Variants in ARRB1 observed in about 807,000 individuals in gnomAD.
The protein encoded by ARRB1 is beta-arrestin-1.
A neutral mutation model predicts 56.8 loss-of-function variants in ARRB1; 21 were observed. That is an observed-to-expected ratio of 0.37 (90% CI 0.26 to 0.53). The LOEUF is 0.53. ARRB1 is among the 20% of genes least tolerant of loss of function. The pLI, the probability that ARRB1 is intolerant of heterozygous loss-of-function variation, is 0.88. For missense variants in ARRB1, 424 were observed against 553.7 expected, an observed-to-expected ratio of 0.77 and a Z score of 2.35; for synonymous variants, 210 against 218.6, an observed-to-expected ratio of 0.96 and a Z score of 0.35.
At chr11:75,335,918 C>T (rs1237882211) in intron 1 of ARRB1, among the ~76,000 whole-genome samples, 1 of 152,242 alleles carries the variant, frequency 6.6e-6, no homozygotes, top group East Asian at 1.9e-4. Context: ...GGGGACAAAA[C>T]ATGAGACTTG....
At chr11:75,272,817 G>C in intron 12 of ARRB1, 78 bp downstream of exon 12, 3 of 1,437,694 alleles carry the variant, frequency 2.1e-6, no homozygotes, top group Non-Finnish European at 2.0e-6. Flanking sequence ...CAAACAGGCA[G>C]AATGGGGCAG....
chr11:75,286,550 C>T (rs1946481365), intron 3 of ARRB1, among the ~76,000 whole-genome samples: 1 of 152,028 alleles, frequency 6.6e-6, no homozygotes, highest in Non-Finnish European at 1.5e-5. Flanking sequence ...CAGGCGTGAG[C>T]CACCGCACTT....
In ARRB1 at chr11:75,283,363, T is replaced by C; in HGVS notation, c.278A>G (p.Asp93Gly). Reference protein sequence around the residue: ...NVQSFPPAPEDKKPLTRLQER... With the variant: ...NVQSFPPAPEGKKPLTRLQER... ...CTGCAGCCGCGTCAGGGGCTTCTTG[T>C]CCTCGGGGGCCGGTGGGAACGACTG... The change falls in exon 5 of 16, where the codon GAC (aspartate) becomes GGC (glycine). Residue 93 changes from aspartate (D) to glycine (G), a missense_variant. Physicochemically the swap from Asp to Gly is moderately conservative, Grantham distance 94 (BLOSUM62 -1). Coordinates refer to ENST00000420843, the MANE Select transcript of ARRB1 (RefSeq NM_004041.5). 6.2e-7 allele frequency: 1 copy of C among 1,614,144 alleles called. No homozygotes were observed. Among genetic ancestry groups the C allele is most frequent in the Non-Finnish European group, 8.5e-7 (1 of 1,179,988 alleles).
At position 75,261,911 on chromosome 11, in the gene ARRB1, A is replaced by C. The variant is rs1214365921; in HGVS notation, c.*4252T>G. 1.3e-5 allele frequency: 2 copies of C among 152,212 alleles called. No individual in the cohort carries two copies. Among genetic ancestry groups the C allele is most frequent in the Non-Finnish European group, 2.9e-5 (2 of 68,044 alleles). The allele number at this position is 152,212 out of a possible 1,614,324, so 9.4% of individuals were successfully genotyped here. A position where few individuals can be genotyped will look rare whatever the true frequency, so the allele number is the denominator to read the frequency against. On this transcript the variant is annotated 3_prime_UTR_variant, in exon 16 of 16. Coordinates refer to ENST00000420843, the MANE Select transcript of ARRB1 (RefSeq NM_004041.5). ...GTCCATGAGACCCTATAAGAGTGTA[A>C]GACTGGGACCTAACCCCTTCCTCCT... is the stretch of plus-strand genomic sequence containing the variant.
At position 75,283,464 on chromosome 11, in the gene ARRB1, G is replaced by T; in HGVS notation, c.177C>A (p.Cys59Ter). The T allele has an allele frequency of 6.2e-7, 1 of 1,612,300 alleles. No homozygotes were observed. Among genetic ancestry groups the T allele is most frequent in the Non-Finnish European group, 8.5e-7 (1 of 1,179,014 alleles). The change falls in exon 5 of 16, where the codon TGC becomes TGA. Residue 59 changes from cysteine to a stop codon, truncating the protein, a stop_gained. Coordinates refer to ENST00000420843, the MANE Select transcript of ARRB1 (RefSeq NM_004041.5). LOFTEE classifies it high-confidence loss of function. ...GGTCCTCCCGGCCATAGCGGAAGGC[G>T]CAGGTCAGCGTCACATAGACTGTGG... ...KERRVYVTLTCAFRYGREDLD... is the reference protein window; with the variant it reads ...KERRVYVTLT
chr11:75,327,913 G>A (rs1243153894), intron 1 of ARRB1, among the ~76,000 whole-genome samples: 1 of 151,916 alleles, frequency 6.6e-6, no homozygotes. Flanking sequence ...CAGCAGCCTG[G>A]GCAATGCAGC....
chr11:75,284,623 G>A (rs1946430356), intron 3 of ARRB1, among the ~76,000 whole-genome samples: 1 of 152,162 alleles, frequency 6.6e-6, no homozygotes, highest in African/African-American at 2.4e-5. Flanking sequence ...GGCAAAATGG[G>A]CCGGGCGTGG....
At chr11:75,329,984 G>C (rs1267319524) in intron 1 of ARRB1, among the ~76,000 whole-genome samples, 1 of 151,242 alleles carries the variant, frequency 6.6e-6, no homozygotes, top group Non-Finnish European at 1.5e-5. Flanking sequence ...TGAATGACAA[G>C]ACTGAGACCC....
Position 75,263,037 on chromosome 11 carries a change from G to T in ARRB1, c.*3126C>A, listed in dbSNP as rs1251878504. Among the ~76,000 whole-genome samples the T allele has an allele frequency of 6.6e-6, 1 of 152,316 alleles. No individual in the cohort carries two copies. Among genetic ancestry groups the T allele is most frequent in the East Asian group, 1.9e-4 (1 of 5,184 alleles). On this transcript the variant is annotated 3_prime_UTR_variant, in exon 16 of 16. Transcript: ENST00000420843. ...ATGCTTTTCCTTCCTGCCCGGACCG[G>T]TGTCCACACGCCACCCACAGGGCAC...
chr11:75,290,147 C>T, intron 1 of ARRB1, 108 bp from the exon 2 acceptor site: 1 of 1,348,438 alleles, frequency 7.4e-7, no homozygotes, highest in South Asian at 1.2e-5. Flanking sequence ...GAGTGACTGA[C>T]AGGCACCATG....
At chr11:75,318,174 T>TGG (rs1947293921) in intron 1 of ARRB1, among the ~76,000 whole-genome samples, 2 of 106,696 alleles carry the variant, frequency 1.9e-5, no homozygotes, top group African/African-American at 3.7e-5. Flanking sequence ...TTTTTTTTTT[T>TGG]GAGAGAGAGA....
At chr11:75,307,971 T>TG (rs2140476204) in intron 1 of ARRB1, among the ~76,000 whole-genome samples, 1 of 152,326 alleles carries the variant, frequency 6.6e-6, no homozygotes, top group African/African-American at 2.4e-5. Context: ...CCCGTGGCCA[T>TG]GGATAGCACC....
At chr11:75,312,324 G>A (rs965667077) in intron 1 of ARRB1, among the ~76,000 whole-genome samples, 2 of 152,218 alleles carry the variant, frequency 1.3e-5, no homozygotes, top group East Asian at 3.9e-4. Context: ...ACCCCTGACC[G>A]CCGAAGGGAC....
chr11:75,305,018 C>CTTTTTTTTTTTTTTTTTTTT (rs35323331), intron 1 of ARRB1, among the ~76,000 whole-genome samples: 14 of 86,732 alleles, frequency 1.6e-4, no homozygotes, highest in Non-Finnish European at 2.7e-4. Flanking sequence ...TTCTTTCTTT[C>CTTTTTTTTTTTTTTTTTTTT]TTTTTTTTTT....
chr11:75,295,790 T>G (rs901184080), intron 1 of ARRB1, among the ~76,000 whole-genome samples: 1 of 152,208 alleles, frequency 6.6e-6, no homozygotes, highest in Non-Finnish European at 1.5e-5. Context: ...GCTGTCCCAC[T>G]ACATGACAGA....
chr11:75,261,357 TG>T lies in ARRB1; in HGVS notation c.*4805del, dbSNP rs1200678190. On this transcript the variant is annotated 3_prime_UTR_variant, in exon 16 of 16. Transcript: ENST00000420843. ...GGTCTAAGATCAAACCTCGAGATGG[TG>T]GTTTGAAGTTCTTCTTCAAAGAAAG... The T allele has an allele frequency of 4.6e-5, 7 of 151,844 alleles. No individual in the cohort carries two copies. The highest frequency in any genetic ancestry group is 4.6e-4 in the Admixed American group (7 of 15,246). 9.4% of individuals were successfully genotyped at this position (151,844 alleles called of 1,614,324 possible). A position where few individuals can be genotyped will look rare whatever the true frequency, so the allele number is the denominator to read the frequency against.
rs1363127351 is a variant in ARRB1, at chr11:75,266,267, C to G, written c.1153G>C (p.Asp385His). The change falls in exon 16 of 16, where the codon GAC becomes CAC. Residue 385 changes from aspartate to histidine, a missense_variant. Physicochemically the swap from Asp to His is moderately conservative, Grantham distance 81 (BLOSUM62 -1). Transcript: ENST00000420843. ...CGAGCAAAGTCCTCAAATACAATGT[C>G]GTCATCACTGGTGGGAGAGACAAGG... Reference protein sequence around the residue: ...NLIELDTNDDDIVFEDFARQR... With the variant: ...NLIELDTNDDHIVFEDFARQR... The G allele has an allele frequency of 1.2e-6, 2 of 1,613,802 alleles. No homozygotes were observed. Among genetic ancestry groups the G allele is most frequent in the Non-Finnish European group, 1.7e-6 (2 of 1,179,674 alleles).
At chr11:75,332,044 C>T (rs576658670) in intron 1 of ARRB1, among the ~76,000 whole-genome samples, 10 of 152,004 alleles carry the variant, frequency 6.6e-5, no homozygotes, top group African/African-American at 1.2e-4. Context: ...CTTTTGACCC[C>T]CGCCCCTACC....
At chr11:75,269,915 T>C (rs1946037831) in intron 13 of ARRB1, among the ~76,000 whole-genome samples, 1 of 152,192 alleles carries the variant, frequency 6.6e-6, no homozygotes, top group African/African-American at 2.4e-5. Flanking sequence ...GACATCACCC[T>C]AGGAGACCAC....
Sources: allele counts gnomAD v4.1 joint callset (sites outside exome capture counted in the v4.1 genomes callset), GRCh38; gene constraint gnomAD v4.1.1; transcripts MANE v1.5; gene names NCBI Gene and HGNC (gene_info 2026-07-23, HGNC 2026-07-21).